Variants in SLC8B1 observed in about 807,000 individuals in gnomAD.
The protein encoded by SLC8B1 is mitochondrial sodium/calcium exchanger protein.
A neutral mutation model predicts 63.4 loss-of-function variants in SLC8B1; 52 were observed. The observed-to-expected ratio is 0.82, with a 90% CI of 0.66 to 1.03. The LOEUF (loss-of-function observed/expected upper bound fraction) is 1.03, where lower values mean the gene tolerates loss of function less well. SLC8B1 is among the 50% of genes least tolerant of loss of function. SLC8B1 has a pLI of 0.00. For missense variants in SLC8B1, 657 were observed against 741.7 expected (o/e 0.89, Z 1.33); for synonymous variants, 336 against 323.9 (o/e 1.04, Z -0.40).
intron 11 of SLC8B1, among the ~76,000 whole-genome samples, chr12:113,312,890 AAGG>A (rs1412142769): frequency 3.3e-5 from 5 of 152,058 alleles, no homozygotes; most frequent in Non-Finnish European, 7.4e-5. Context: ...AGGACCGAGT[AAGG>A]TGGTTTACTT....
intron 2 of SLC8B1, among the ~76,000 whole-genome samples, chr12:113,324,494 C>T (rs533148606): frequency 3.6e-4 from 54 of 150,598 alleles, no homozygotes; most frequent in African/African-American, 1.3e-3. Flanking sequence ...GAAACCTCCA[C>T]CTCTCGGGTT....
At chr12:113,312,692 G>T (rs144115024) in intron 11 of SLC8B1, among the ~76,000 whole-genome samples, 1 of 152,278 alleles carries the variant, frequency 6.6e-6, no homozygotes, top group African/African-American at 2.4e-5. Context: ...GCTACCACTA[G>T]GTGGTGTTAA....
At chr12:113,317,030 G>GA (rs781277609) in intron 8 of SLC8B1, 29 bp from the exon 9 acceptor site, 1 of 1,604,990 alleles carries the variant, frequency 6.2e-7, no homozygotes, top group Non-Finnish European at 8.5e-7. Context: ...GTTACATACA[G>GA]AACCCAGACC....
intron 9 of SLC8B1, 71 bp downstream of exon 9, chr12:113,316,871 G>T: frequency 6.4e-7 from 1 of 1,555,656 alleles, no homozygotes; most frequent in South Asian, 1.1e-5. Context: ...AGGTCTTGGA[G>T]GGCCCCATCT....
chr12:113,307,842 G>C lies in SLC8B1; in HGVS notation c.1260C>G (p.Leu420=). Reference sequence around the variant, plus strand: ...TGGTCAGAAAGCCCAGGAAAGCAAAGAGCTGCGGAGGGAATGGTTTGCTGT... The same window carrying C: ...TGGTCAGAAAGCCCAGGAAAGCAAACAGCTGCGGAGGGAATGGTTTGCTGT... ...SDSQPPRLHW[L]FAFLGFLTSA... Residue 420 remains leucine (L), a splice_region_variant and synonymous_variant, in exon 13 of 16, where the codon CTC becomes CTG. Coordinates refer to ENST00000680972, the MANE Select transcript of SLC8B1 (RefSeq NM_001358345.2). The C allele has an allele frequency of 6.2e-7, 1 of 1,611,940 alleles. No homozygotes were observed. The highest frequency in any genetic ancestry group is 1.1e-5 in the South Asian group (1 of 91,068).
At chr12:113,328,169 C>A (rs1957018335) in intron 2 of SLC8B1, among the ~76,000 whole-genome samples, 1 of 151,968 alleles carries the variant, frequency 6.6e-6, no homozygotes, top group Non-Finnish European at 1.5e-5. Flanking sequence ...GTAGCTGGCA[C>A]CACAGGTGCG....
chr12:113,300,276 G>A (rs1399052702), intron 15 of SLC8B1, among the ~76,000 whole-genome samples: 1 of 152,124 alleles, frequency 6.6e-6, no homozygotes, highest in East Asian at 1.9e-4. Flanking sequence ...TCAGGAGTTC[G>A]ACCTGTATTG....
chr12:113,314,239 T>C (rs1408228065), intron 11 of SLC8B1, among the ~76,000 whole-genome samples: 2 of 152,186 alleles, frequency 1.3e-5, no homozygotes, highest in African/African-American at 4.8e-5. Context: ...CCTCCATGTC[T>C]GCATCCTCCC....
intron 14 of SLC8B1, 80 bp from the exon 15 acceptor site, chr12:113,304,465 A>G: frequency 7.5e-7 from 1 of 1,338,290 alleles, no homozygotes; most frequent in Non-Finnish European, 1.1e-6. Context: ...TACTGTGTTC[A>G]TCCCCAGGGC....
chr12:113,320,886 G>T lies in SLC8B1; in HGVS notation c.384C>A (p.Ala128=). The T allele has an allele frequency of 6.2e-7, 1 of 1,607,144 alleles. No homozygotes were observed. The change falls in exon 5 of 16, where the codon GCC becomes GCA. Residue 128 remains alanine, a synonymous_variant. Coordinates refer to ENST00000680972, the MANE Select transcript of SLC8B1 (RefSeq NM_001358345.2). The surrounding 1 kb of genome is among the most constrained non-coding windows in gnomAD (Gnocchi z 5.3). The stretch of plus-strand genomic sequence containing the variant: ...GGGAGAGCTTCAGTGTGGTAGAAAT[G>T]GCCGACAAGTTGGGGCAGAAACTAC... ...AAKFFCPNLS[A]ISTTLKLSHN...
chr12:113,327,019 G>A (rs1593259825), intron 2 of SLC8B1, among the ~76,000 whole-genome samples: 1 of 152,260 alleles, frequency 6.6e-6, no homozygotes, highest in Non-Finnish European at 1.5e-5. Flanking sequence ...AAAAGCAACA[G>A]TCAGGCTGGG....
In SLC8B1 at chr12:113,332,813, C is replaced by T; in HGVS notation, c.66G>A (p.Glu22=). 1 of 1,614,224 alleles carries T rather than the reference C, an allele frequency of 6.2e-7. No individual in the cohort carries two copies. The highest frequency in any genetic ancestry group is 1.3e-5 in the African/African-American group (1 of 75,072). The part of the protein sequence containing the change: ...LSVLCVLLMA[E]TVSGTRGSST... ...ACGAGCCCCTAGTCCCAGACACTGT[C>T]TCCGCCATTAGCAGCACACAAAGCA... Residue 22 remains glutamate, a synonymous_variant, in exon 2 of 16, where the codon GAG becomes GAA. Transcript: ENST00000680972.
At chr12:113,315,244 CGTGCCACT>C in intron 11 of SLC8B1, 83 bp downstream of exon 11, 1 of 1,327,786 alleles carries the variant, frequency 7.5e-7, no homozygotes, top group Non-Finnish European at 1.0e-6. Context: ...GAGCTGAGAT[CGTGCCACT>C]GTACTCCAGC....
intron 11 of SLC8B1, 34 bp downstream of exon 11, chr12:113,315,301 G>C: frequency 6.7e-7 from 1 of 1,488,564 alleles, no homozygotes; most frequent in African/African-American, 1.4e-5. Context: ...GAAGGAGTAG[G>C]AAGGTGGGTT....
intron 2 of SLC8B1, among the ~76,000 whole-genome samples, chr12:113,322,192 A>C (rs890487691): frequency 1.4e-4 from 21 of 152,256 alleles, no homozygotes; most frequent in Admixed American, 9.2e-4. Flanking sequence ...AAAAAAAAAA[A>C]TATGTATCTC....
intron 8 of SLC8B1, among the ~76,000 whole-genome samples, chr12:113,317,831 T>C (rs71465895): frequency 1.3e-5 from 2 of 150,920 alleles, no homozygotes; most frequent in African/African-American, 4.8e-5. Flanking sequence ...GTGTGTATTG[T>C]GTATGTGAGT....
intron 11 of SLC8B1, among the ~76,000 whole-genome samples, chr12:113,314,666 A>T (rs1593247040): frequency 6.6e-6 from 1 of 152,262 alleles, no homozygotes; most frequent in South Asian, 2.1e-4. Flanking sequence ...GGCCACAGGC[A>T]CCCCATAGGG....
At chr12:113,327,330 T>A (rs1429209599) in intron 2 of SLC8B1, among the ~76,000 whole-genome samples, 1 of 151,962 alleles carries the variant, frequency 6.6e-6, no homozygotes, top group East Asian at 1.9e-4. Flanking sequence ...TCCTTCTAGG[T>A]GAGTGATTTT....
At position 113,321,206 on chromosome 12, in the gene SLC8B1, A is replaced by G. The variant is rs1956922525; in HGVS notation, c.299T>C (p.Val100Ala). ...AGGGCAGGGCCTCACGTAGAGAGTGACAGCCAGAGGGAGGAGGCTGGGAGG... is the reference window on the plus strand; with the variant it reads ...AGGGCAGGGCCTCACGTAGAGAGTGGCAGCCAGAGGGAGGAGGCTGGGAGG... ...HFPPSLLPLA[V>A]TLYVSWLLYL... The change falls in exon 3 of 16, where the codon GTC becomes GCC. Residue 100 changes from valine (V) to alanine (A), a missense_variant. Transcript: ENST00000680972. 1 of 1,614,110 alleles carries G rather than the reference A, an allele frequency of 6.2e-7. No homozygotes were observed. The highest frequency in any genetic ancestry group is 1.7e-5 in the Admixed American group (1 of 60,016).
Sources: gnomAD v4.1 joint callset for allele counts (sites outside exome capture counted in the v4.1 genomes callset) on GRCh38, gnomAD v4.1.1 for gene constraint, Gnocchi (gnomAD v3.1) non-coding constraint, MANE v1.5 for transcripts, NCBI Gene and HGNC (gene_info 2026-07-23, HGNC 2026-07-21) for gene names.